Variants in MYO5A observed in about 807,000 individuals in gnomAD.
The protein encoded by MYO5A is unconventional myosin-Va.
Under a neutral mutation model 249.7 loss-of-function variants are expected in MYO5A, and 98 were observed. The observed-to-expected ratio is 0.39, with a 90% CI of 0.33 to 0.46. The LOEUF (loss-of-function observed/expected upper bound fraction) is 0.46, where lower values mean the gene tolerates loss of function less well. MYO5A is among the 20% of genes least tolerant of loss of function. The pLI is 0.98. For synonymous variants in MYO5A, 778 were observed against 810.6 expected, an observed-to-expected ratio of 0.96 and a Z score of 0.68; for missense variants, 1,696 against 2,308.8, an observed-to-expected ratio of 0.73 and a Z score of 5.44.
intron 34 of MYO5A, among the ~76,000 whole-genome samples, chr15:52,335,258 G>C (rs371328896): frequency 2.0e-5 from 3 of 152,040 alleles, no homozygotes; most frequent in Non-Finnish European, 4.4e-5. Flanking sequence ...GGTGGCTCAC[G>C]CCTATACCCA....
At chr15:52,459,870 G>A (rs547685019) in intron 1 of MYO5A, among the ~76,000 whole-genome samples, 108 of 151,628 alleles carry the variant, frequency 7.1e-4, no homozygotes, top group African/African-American at 2.6e-3. Flanking sequence ...GCCAGGCAGA[G>A]GGGTTCCCCA....
chr15:52,396,295 T>C, intron 11 of MYO5A, 21 bp downstream of exon 11: 3 of 1,360,146 alleles, frequency 2.2e-6, no homozygotes, highest in South Asian at 1.2e-5. Context: ...CAGAGTATTA[T>C]TCAAGGAAGA....
At position 52,459,146 on chromosome 15, in the gene MYO5A, A is replaced by ATTTTTT. The variant is rs199923318; in HGVS notation, c.28-25862_28-25861insAAAAAA. On this transcript the variant is annotated intron_variant, in intron 1 of 41. Coordinates refer to ENST00000399233, the MANE Select transcript of MYO5A (RefSeq NM_001382347.1). ...TCCTGAGTAGCTGGGATTTTCCAGAAATTTTTTTTTTTTTTTTTTTTTTTT... is the reference window on the plus strand; with the variant it reads ...TCCTGAGTAGCTGGGATTTTCCAGAATTTTTTATTTTTTTTTTTTTTTTTTTTTTTT... Among the ~76,000 whole-genome samples the ATTTTTT allele has an allele frequency of 3.1e-4, 15 of 49,088 alleles. 1 individual carries two copies. The highest frequency in any genetic ancestry group is 1.6e-3 in the East Asian group (2 of 1,284). 32.2% of individuals were successfully genotyped at this position (49,088 alleles called of 152,430 possible).
intron 1 of MYO5A, among the ~76,000 whole-genome samples, chr15:52,495,068 C>G (rs1168972028): frequency 1.6e-4 from 25 of 151,914 alleles, no homozygotes; most frequent in Admixed American, 1.6e-3. Context: ...TGACATATAT[C>G]AAAATATATT....
intron 1 of MYO5A, among the ~76,000 whole-genome samples, chr15:52,473,554 C>T (rs1032887462): frequency 2.0e-5 from 3 of 152,164 alleles, no homozygotes; most frequent in African/African-American, 7.2e-5. Context: ...TTTAATCCAT[C>T]GTGAATTAAT....
chr15:52,478,072 T>G (rs1435438879), intron 1 of MYO5A, among the ~76,000 whole-genome samples: 2 of 152,184 alleles, frequency 1.3e-5, no homozygotes, highest in African/African-American at 4.8e-5. Flanking sequence ...AGTTCGAGCT[T>G]CCCAGCTGCT....
At position 52,407,419 on chromosome 15, in the gene MYO5A, A is replaced by T. The variant is rs138279160; in HGVS notation, c.839-20T>A. ...CATTTCCTGTAATGAAGAAAAATAA[A>T]AATTTTCTGGTTTATGAAAAAGCCT... On this transcript the variant is annotated intron_variant, in intron 7 of 41. Transcript: ENST00000399233. 5.0e-6 allele frequency: 8 copies of T among 1,588,820 alleles called. 1 individual carries two copies. The African/African-American group carries it at 1.1e-4, about 21-fold the overall frequency.
chr15:52,437,695 T>C (rs560359140), intron 1 of MYO5A, among the ~76,000 whole-genome samples: 11 of 150,996 alleles, frequency 7.3e-5, no homozygotes, highest in Non-Finnish European at 1.5e-4. Flanking sequence ...TGTGTCCAAG[T>C]GAGTTTGTAG....
intron 41 of MYO5A, 44 bp downstream of exon 41, chr15:52,314,079 A>G: frequency 6.7e-7 from 1 of 1,493,692 alleles, no homozygotes; most frequent in Non-Finnish European, 9.3e-7. Flanking sequence ...TGTCCATTCA[A>G]AAGACTGTGT....
intron 12 of MYO5A, among the ~76,000 whole-genome samples, chr15:52,390,076 T>C (rs2042151083): frequency 6.6e-6 from 1 of 152,104 alleles, no homozygotes; most frequent in Admixed American, 6.5e-5. Flanking sequence ...ATTTGTGGGA[T>C]CTAAAAATTA....
chr15:52,406,481 T>C (rs993114239), intron 8 of MYO5A, among the ~76,000 whole-genome samples: 1 of 152,238 alleles, frequency 6.6e-6, no homozygotes, highest in African/African-American at 2.4e-5. Flanking sequence ...AGATTATGTT[T>C]CAGTAGGTCT....
At chr15:52,490,409 A>G (rs1385939484) in intron 1 of MYO5A, among the ~76,000 whole-genome samples, 1 of 152,224 alleles carries the variant, frequency 6.6e-6, no homozygotes, top group Non-Finnish European at 1.5e-5. Context: ...TTTGGCCTCA[A>G]AAGAGAAGGA....
chr15:52,406,927 T>C (rs2043029227), intron 8 of MYO5A, among the ~76,000 whole-genome samples: 3 of 152,172 alleles, frequency 2.0e-5, no homozygotes, highest in Admixed American at 2.0e-4. Flanking sequence ...TCACTTAGCT[T>C]CAGGTTTCAG....
chr15:52,464,514 G>C (rs1333360654), intron 1 of MYO5A, among the ~76,000 whole-genome samples: 1 of 152,176 alleles, frequency 6.6e-6, no homozygotes, highest in Non-Finnish European at 1.5e-5. Flanking sequence ...GATTGTTTTG[G>C]TTATGTGGGA....
chr15:52,363,239 A>C (rs563657242), intron 24 of MYO5A, among the ~76,000 whole-genome samples: 8 of 152,386 alleles, frequency 5.2e-5, no homozygotes, highest in African/African-American at 1.9e-4. Flanking sequence ...AAAGGATTCA[A>C]GAGAAAGCTA....
Position 52,346,433 on chromosome 15 carries a change from A to G in MYO5A, c.3887T>C (p.Leu1296Ser). 1.2e-6 allele frequency: 2 copies of G among 1,605,026 alleles called. No individual in the cohort carries two copies. Among genetic ancestry groups the G allele is most frequent in the Non-Finnish European group, 1.7e-6 (2 of 1,172,152 alleles). Residue 1296 changes from leucine to serine, a missense_variant, in exon 30 of 42, where the codon TTG becomes TCG. Coordinates refer to ENST00000399233, the MANE Select transcript of MYO5A (RefSeq NM_001382347.1). ...KNTMTDSTILLEDVQKMKDKG... is the reference protein window; with the variant it reads ...KNTMTDSTILSEDVQKMKDKG... ...ATCTTTCATTTTTTGTACATCTTCCAAAAGTATTGTGGAATCTGTCATTGT... is the reference window on the plus strand; with the variant it reads ...ATCTTTCATTTTTTGTACATCTTCCGAAAGTATTGTGGAATCTGTCATTGT...
chr15:52,505,685 C>T (rs1406859880), intron 1 of MYO5A: 1 of 1,254,856 alleles, frequency 8.0e-7, no homozygotes, highest in South Asian at 1.2e-5. Flanking sequence ...AGCATTCAAG[C>T]AGACGTCTTA....
rs550729972 is a variant in MYO5A at position 52,391,910 on chromosome 15, C to T, written c.1542+20G>A. ...TACATCTATTTTGATAAACCAAGTACCCCAGGAAATCATACTTACCTTGCA... is the reference window on the plus strand; with the variant it reads ...TACATCTATTTTGATAAACCAAGTATCCCAGGAAATCATACTTACCTTGCA... On this transcript the variant is annotated intron_variant, in intron 12 of 41. Transcript: ENST00000399233. The T allele has an allele frequency of 5.6e-6, 9 of 1,609,940 alleles. No homozygotes were observed. In the Admixed American group the frequency reaches 8.4e-5, roughly 15 times the overall value.
chr15:52,510,632 C>T (rs1314857788), intron 1 of MYO5A, among the ~76,000 whole-genome samples: 2 of 152,218 alleles, frequency 1.3e-5, no homozygotes, highest in Non-Finnish European at 2.9e-5. Context: ...ATGAACTGCA[C>T]AGGCGAAGGA....
Sources: allele counts gnomAD v4.1 joint callset (sites outside exome capture counted in the v4.1 genomes callset), GRCh38; gene constraint gnomAD v4.1.1; transcripts MANE v1.5; gene names NCBI Gene and HGNC (gene_info 2026-07-23, HGNC 2026-07-21).